RBL2: variants seen among roughly 807,000 people sequenced by gnomAD.
RBL2 encodes the protein RB transcriptional corepressor like 2, also known as retinoblastoma-like protein 2.
A neutral mutation model predicts 126.0 loss-of-function variants in RBL2; 56 were observed. The observed-to-expected ratio is 0.44, with a 90% CI of 0.36 to 0.56. The LOEUF (loss-of-function observed/expected upper bound fraction) is 0.56. Among genes scored for constraint, RBL2 ranks in the 20% least tolerant of loss-of-function variants. The probability of loss-of-function intolerance (pLI) is 0.00; values close to 1 mark genes in which losing one functional copy is unlikely to be tolerated. For synonymous variants in RBL2, 454 were observed against 478.5 expected (o/e 0.95, Z 0.67); for missense variants, 1,229 against 1,398.2 (o/e 0.88, Z 1.93).
chr16:53,479,184 A>G lies in RBL2; in HGVS notation c.2734A>G (p.Ile912Val), dbSNP rs149956581. Residue 912 changes from isoleucine (I) to valine (V), a missense_variant, in exon 18 of 22, where the codon ATT (isoleucine) becomes GTT (valine). Transcript: ENST00000262133. ...VTKEDKSFQN[I>V]MRCYRTQPQA... ...AAAAGAAGATAAGTCCTTCCAGAACATTATGCGTTGTTATAGGACTCAGCC... is the reference window on the plus strand; with the variant it reads ...AAAAGAAGATAAGTCCTTCCAGAACGTTATGCGTTGTTATAGGACTCAGCC... 6.2e-5 allele frequency: 100 copies of G among 1,613,916 alleles called. No homozygotes were observed. Among genetic ancestry groups the G allele is most frequent in the Non-Finnish European group, 7.5e-5 (89 of 1,179,906 alleles).
intron 21 of RBL2, chr16:53,489,608 A>G (rs1961320689): frequency 6.6e-6 from 1 of 152,188 alleles, no homozygotes; most frequent in Non-Finnish European, 1.5e-5. Context: ...TCTCCCAAGG[A>G]TAGTACCATT....
intron 1 of RBL2, among the ~76,000 whole-genome samples, chr16:53,438,607 G>T (rs896425193): frequency 5.9e-5 from 9 of 151,958 alleles, no homozygotes; most frequent in African/African-American, 1.9e-4. Flanking sequence ...ACTTTGGAAG[G>T]CCAAGGCGGA....
chr16:53,453,487 C>A lies in RBL2; in HGVS notation c.802C>A (p.Pro268Thr). 6.2e-7 allele frequency: 1 copy of A among 1,613,306 alleles called. No individual in the cohort carries two copies. Among genetic ancestry groups the A allele is most frequent in the Non-Finnish European group, 8.5e-7 (1 of 1,179,438 alleles). The stretch of plus-strand genomic sequence containing the variant: ...AGATTTTCATGCTAAAGATTCTAAA[C>A]CTTCCTCTGACCCCCCTTGTATCAT... ...SEDFHAKDSK[P>T]SSDPPCIIEK... The change falls in exon 6 of 22, where the codon CCT becomes ACT. Residue 268 changes from proline to threonine, a missense_variant. By Grantham distance (38) the Pro-to-Thr change is conservative (BLOSUM62 -1). Transcript: ENST00000262133.
At chr16:53,438,700 C>G (rs1264689555) in intron 1 of RBL2, among the ~76,000 whole-genome samples, 1 of 151,762 alleles carries the variant, frequency 6.6e-6, no homozygotes, top group African/African-American at 2.4e-5. Flanking sequence ...AAAAATTAGC[C>G]AGGTATGGTG....
rs185319556 is a variant in RBL2, at chr16:53,460,999, T to C, written c.1347-742T>C. 3.0e-4 allele frequency among the ~76,000 whole-genome samples: 45 copies of C among 152,314 alleles called. No homozygotes were observed. The East Asian group carries it at 7.7e-3, about 26-fold the overall frequency. The stretch of plus-strand genomic sequence containing the variant: ...AATGTAGAATGCCAGGAACAGTTTA[T>C]GTGAGTCTGTAGTATGGGTTTTACA... On this transcript the variant is annotated intron_variant, in intron 9 of 21. Coordinates refer to ENST00000262133, the MANE Select transcript of RBL2 (RefSeq NM_005611.4).
chr16:53,479,845 C>A (rs371092550), intron 18 of RBL2, 41 bp from the exon 19 acceptor site: 1 of 1,403,124 alleles, frequency 7.1e-7, no homozygotes, highest in East Asian at 2.3e-5. Context: ...GTGTGCTCAA[C>A]AAATACTAGT....
At chr16:53,458,794 CG>C (rs1222260890) in intron 8 of RBL2, among the ~76,000 whole-genome samples, 1 of 152,060 alleles carries the variant, frequency 6.6e-6, no homozygotes, top group Non-Finnish European at 1.5e-5. Context: ...CTGATAAGGC[CG>C]TCAGATCTCG....
chr16:53,435,294 T>A (rs2057947113), intron 1 of RBL2, among the ~76,000 whole-genome samples: 1 of 152,200 alleles, frequency 6.6e-6, no homozygotes, highest in Non-Finnish European at 1.5e-5. Flanking sequence ...AACGTGCTGA[T>A]GCGTTTTGGG....
At chr16:53,454,385 AG>A (rs1385538837) in intron 7 of RBL2, 2 of 384,858 alleles carry the variant, frequency 5.2e-6, no homozygotes, top group African/African-American at 4.2e-5. Flanking sequence ...TTGTATTTTT[AG>A]TAGAGACAGG....
chr16:53,438,660 A>G (rs1354619557), intron 1 of RBL2, among the ~76,000 whole-genome samples: 2 of 152,062 alleles, frequency 1.3e-5, no homozygotes, highest in Admixed American at 1.3e-4. Flanking sequence ...CCTGGGCAAC[A>G]TGACAAAACC....
At position 53,434,654 on chromosome 16, in the gene RBL2, ACGC is replaced by A. The variant is rs1832472439; in HGVS notation, c.102_104del (p.Ala35del). On this transcript the variant is annotated inframe_deletion, in exon 1 of 22. Coordinates refer to ENST00000262133, the MANE Select transcript of RBL2 (RefSeq NM_005611.4). ...GAGGAGGACGACGGCGAGGCGGAAGACGCCGCGCCGCCTGCCGAGTCGCCCACC... is the reference window on the plus strand; with the variant it reads ...GAGGAGGACGACGGCGAGGCGGAAGACGCGCCGCCTGCCGAGTCGCCCACC... 6.4e-6 allele frequency: 10 copies of A among 1,562,174 alleles called. No individual in the cohort carries two copies. The highest frequency in any genetic ancestry group is 8.6e-6 in the Non-Finnish European group (10 of 1,164,148).
rs982582153 is a variant in RBL2 at position 53,479,699 on chromosome 16, A to G, written c.2776-187A>G. The stretch of plus-strand genomic sequence containing the variant: ...TACTGCAGGTAGTACTTGGCATGTG[A>G]TGCTAGATGGGCTCTGATTGAATCC... On this transcript the variant is annotated intron_variant, in intron 18 of 21. Transcript: ENST00000262133. The G allele has an allele frequency of 9.5e-5, 51 of 537,278 alleles. 1 individual carries two copies. The highest frequency in any genetic ancestry group is 1.3e-4 in the Non-Finnish European group (38 of 302,434). The allele number at this position is 537,278 out of a possible 1,614,324, so 33.3% of individuals were successfully genotyped here.
chr16:53,448,538 C>T (rs941133111), intron 4 of RBL2, among the ~76,000 whole-genome samples: 1 of 152,106 alleles, frequency 6.6e-6, no homozygotes, highest in African/African-American at 2.4e-5. Flanking sequence ...GGCTGGAGTG[C>T]AGTGGTATGA....
intron 1 of RBL2, among the ~76,000 whole-genome samples, chr16:53,435,260 C>T (rs958561175): frequency 6.6e-6 from 1 of 152,126 alleles, no homozygotes; most frequent in Non-Finnish European, 1.5e-5. Context: ...TTGCCTTTGC[C>T]CTGGCGTTGC....
At chr16:53,475,142 TATA>T (rs1307256528) in intron 17 of RBL2, among the ~76,000 whole-genome samples, 11 of 152,218 alleles carry the variant, frequency 7.2e-5, no homozygotes, top group Middle Eastern at 3.2e-3. Context: ...GGCAAATAAT[TATA>T]ATATTTCCTT....
chr16:53,469,834 T>C (rs2058303952), intron 14 of RBL2, 82 bp from the exon 15 acceptor site: 2 of 1,417,708 alleles, frequency 1.4e-6, no homozygotes, highest in Non-Finnish European at 1.9e-6. Flanking sequence ...ACTGTAGTTA[T>C]TTTTTAACAT....
rs1248905775 is a variant in RBL2 at position 53,470,032 on chromosome 16, A to C, written c.2092A>C (p.Met698Leu). The change falls in exon 15 of 22, where the codon ATG becomes CTG. Residue 698 changes from methionine to leucine, a missense_variant. Met to Leu is a conservative substitution (Grantham distance 15, BLOSUM62 2). Coordinates refer to ENST00000262133, the MANE Select transcript of RBL2 (RefSeq NM_005611.4). ...SPSDGGTPGR[M>L]PPQPLVNAVP... is the part of the protein sequence containing the mutation. Reference sequence around the variant, plus strand: ...CTCTGATGGAGGGACGCCTGGGCGCATGCCCCCACAGCCCCTAGTCAATGC... The same window carrying C: ...CTCTGATGGAGGGACGCCTGGGCGCCTGCCCCCACAGCCCCTAGTCAATGC... 8 of 1,614,082 alleles carry C rather than the reference A, an allele frequency of 5.0e-6. No individual in the cohort carries two copies. The Admixed American group carries it at 1.2e-4, about 24-fold the overall frequency.
intron 8 of RBL2, among the ~76,000 whole-genome samples, chr16:53,458,429 T>C (rs1034324497): frequency 6.6e-6 from 1 of 152,206 alleles, no homozygotes; most frequent in Non-Finnish European, 1.5e-5. Context: ...CTTTAACTTA[T>C]TTCTCTGAAG....
Position 53,454,575 on chromosome 16 carries a change from G to A in RBL2, c.993-81G>A, listed in dbSNP as rs1292601922. On this transcript the variant is annotated intron_variant, in intron 7 of 21. Coordinates refer to ENST00000262133, the MANE Select transcript of RBL2 (RefSeq NM_005611.4). ...TTTCAAAAAACTATTAGAACTTTTA[G>A]TAAATAAAAAAATGAAATAATTAAT... 9 of 1,273,268 alleles carry A rather than the reference G, an allele frequency of 7.1e-6. No homozygotes were observed. In the East Asian group the frequency reaches 2.0e-4, roughly 29 times the overall value. The allele number at this position is 1,273,268 out of a possible 1,614,324, so 78.9% of individuals were successfully genotyped here.
Sources: allele counts gnomAD v4.1 joint callset (sites outside exome capture counted in the v4.1 genomes callset), GRCh38; gene constraint gnomAD v4.1.1; transcripts MANE v1.5; gene names NCBI Gene and HGNC (gene_info 2026-07-23, HGNC 2026-07-21).